OSBP2: variants seen among roughly 807,000 people sequenced by gnomAD.
The protein encoded by OSBP2 is oxysterol-binding protein 2.
OSBP2 carries 66 observed loss-of-function variants against 96.0 expected under a neutral mutation model. The ratio of observed to expected loss-of-function variants is 0.69; its 90% confidence interval spans 0.56 to 0.84. The LOEUF (loss-of-function observed/expected upper bound fraction) is 0.84, where lower values mean the gene tolerates loss of function less well. OSBP2 is among the 40% of genes least tolerant of loss of function. The probability of loss-of-function intolerance (pLI) is 0.00; values close to 1 mark genes in which losing one functional copy is unlikely to be tolerated. For synonymous variants in OSBP2, 525 were observed against 520.9 expected, an observed-to-expected ratio of 1.01 and a Z score of -0.11; for missense variants, 1,038 against 1,222.7, an observed-to-expected ratio of 0.85 and a Z score of 2.25.
intron 2 of OSBP2, among the ~76,000 whole-genome samples, chr22:30,822,237 C>T (rs796953411): frequency 2.1e-4 from 32 of 152,360 alleles, no homozygotes; most frequent in African/African-American, 7.7e-4. Flanking sequence ...TGAGATAAAG[C>T]AACGCCGAGC....
At chr22:30,774,666 A>G (rs376893864) in intron 2 of OSBP2, among the ~76,000 whole-genome samples, 19 of 152,358 alleles carry the variant, frequency 1.2e-4, no homozygotes, top group African/African-American at 4.6e-4. Context: ...ATTCCGGACA[A>G]TCTAGATATA....
chr22:30,729,553 G>A (rs757079624), intron 1 of OSBP2, among the ~76,000 whole-genome samples: 1 of 152,122 alleles, frequency 6.6e-6, no homozygotes, highest in Admixed American at 6.6e-5. Flanking sequence ...CAGGAGAATC[G>A]TTTGAACCCA....
intron 2 of OSBP2, chr22:30,822,436 G>A: frequency 2.8e-6 from 3 of 1,087,636 alleles, no homozygotes; most frequent in Non-Finnish European, 3.6e-6. Flanking sequence ...GGCTCCCGCG[G>A]CGCGGACGGG....
chr22:30,803,521 C>T (rs2090883482), intron 2 of OSBP2, among the ~76,000 whole-genome samples: 2 of 152,236 alleles, frequency 1.3e-5, no homozygotes, highest in Non-Finnish European at 2.9e-5. Context: ...CGTCTCTGGT[C>T]TCTGTTCAGA....
chr22:30,715,858 T>C (rs1212393092), intron 1 of OSBP2, among the ~76,000 whole-genome samples: 1 of 5,908 alleles, frequency 1.7e-4, no homozygotes. Context: ...CACCTAACCT[T>C]TTTTTTTTTT....
chr22:30,702,713 A>T (rs144011591), intron 1 of OSBP2, among the ~76,000 whole-genome samples: 182 of 152,372 alleles, frequency 1.2e-3, no homozygotes, highest in African/African-American at 4.1e-3. Flanking sequence ...AAATACCTAG[A>T]GTAGCCCCGT....
intron 2 of OSBP2, among the ~76,000 whole-genome samples, chr22:30,788,823 C>T (rs368134253): frequency 1.2e-4 from 19 of 152,274 alleles, no homozygotes; most frequent in East Asian, 7.7e-4. Context: ...AGCGATTCTC[C>T]TGCCTCAGCC....
intron 8 of OSBP2, among the ~76,000 whole-genome samples, chr22:30,892,508 G>A (rs2039971071): frequency 6.6e-6 from 1 of 151,984 alleles, no homozygotes; most frequent in Admixed American, 6.5e-5. Context: ...CTGGGGAGTG[G>A]GTAGACTTAG....
chr22:30,769,741 A>G (rs909740211), intron 2 of OSBP2, among the ~76,000 whole-genome samples: 3 of 152,226 alleles, frequency 2.0e-5, no homozygotes, highest in Admixed American at 1.3e-4. Context: ...GCCAGTCGTC[A>G]TCACTACCAT....
At chr22:30,865,121 C>T (rs2039306473) in intron 2 of OSBP2, among the ~76,000 whole-genome samples, 1 of 152,184 alleles carries the variant, frequency 6.6e-6, no homozygotes, top group South Asian at 2.1e-4. Flanking sequence ...GGCTCCCCTG[C>T]GCTAGATGAT....
intron 2 of OSBP2, among the ~76,000 whole-genome samples, chr22:30,777,590 A>G (rs2090453417): frequency 6.6e-6 from 1 of 152,160 alleles, no homozygotes; most frequent in African/African-American, 2.4e-5. Flanking sequence ...CTACTCTTCC[A>G]TCTGTAAAGA....
chr22:30,747,923 C>G (rs1385078796), intron 2 of OSBP2, among the ~76,000 whole-genome samples: 1 of 152,040 alleles, frequency 6.6e-6, no homozygotes, highest in African/African-American at 2.4e-5. Context: ...GCTCTGTCAC[C>G]CAGGCTGGAG....
Position 30,859,980 on chromosome 22 carries a change from G to A in OSBP2, c.854-10449G>A, listed in dbSNP as rs537772406. Among the ~76,000 whole-genome samples the A allele has an allele frequency of 1.6e-4, 25 of 152,280 alleles. 1 individual carries two copies. In the South Asian group the frequency reaches 5.0e-3, roughly 30 times the overall value. On this transcript the variant is annotated intron_variant, in intron 2 of 13. Transcript: ENST00000332585. ...AGGAGGCAGCACCCAGGCCATGAGGGACAAATGTGGAGCAAGGGATGGAGC... is the reference window on the plus strand; with the variant it reads ...AGGAGGCAGCACCCAGGCCATGAGGAACAAATGTGGAGCAAGGGATGGAGC...
chr22:30,771,224 G>T (rs1013772681), intron 2 of OSBP2, among the ~76,000 whole-genome samples: 1 of 152,206 alleles, frequency 6.6e-6, no homozygotes, highest in African/African-American at 2.4e-5. Context: ...CCTTACCTGT[G>T]TCTAGCCCAG....
At position 30,893,243 on chromosome 22, in the gene OSBP2, G is replaced by T; in HGVS notation, c.1990+1G>T. 6.2e-7 allele frequency: 1 copy of T among 1,614,064 alleles called. No individual in the cohort carries two copies. Among genetic ancestry groups the T allele is most frequent in the Non-Finnish European group, 8.5e-7 (1 of 1,179,990 alleles). ...AAATACATCTCCATCATGCCGCTAG[G>T]TGAGCTGGGGCCCGGTGCCTTCCTG... On this transcript the variant is annotated splice_donor_variant, in intron 9 of 13. Transcript: ENST00000332585. LOFTEE classifies it high-confidence loss of function.
At chr22:30,880,578 G>A (rs1213138907) in intron 3 of OSBP2, among the ~76,000 whole-genome samples, 1 of 152,178 alleles carries the variant, frequency 6.6e-6, no homozygotes, top group African/African-American at 2.4e-5. Context: ...TAGAAGGGAA[G>A]TTTCCAGGAA....
chr22:30,740,402 T>G (rs2089922432), intron 1 of OSBP2, among the ~76,000 whole-genome samples: 1 of 152,230 alleles, frequency 6.6e-6, no homozygotes, highest in South Asian at 2.1e-4. Context: ...CAGAATCTTA[T>G]AGCCTCCAAA....
intron 1 of OSBP2, among the ~76,000 whole-genome samples, chr22:30,737,052 G>A (rs1172255038): frequency 6.6e-6 from 1 of 152,116 alleles, no homozygotes; most frequent in Non-Finnish European, 1.5e-5. Context: ...GTCTTGCTCT[G>A]TTGCCCAGGC....
intron 2 of OSBP2, among the ~76,000 whole-genome samples, chr22:30,834,795 T>C (rs2038597771): frequency 7.4e-6 from 1 of 134,390 alleles, no homozygotes; most frequent in East Asian, 2.0e-4. Context: ...CTATGGATTG[T>C]CTTTTCTTTT....
Sources: gnomAD v4.1 joint callset for allele counts (sites outside exome capture counted in the v4.1 genomes callset) on GRCh38, gnomAD v4.1.1 for gene constraint, MANE v1.5 for transcripts, NCBI Gene and HGNC (gene_info 2026-07-23, HGNC 2026-07-21) for gene names.